The following RBFOX1 variants were observed in gnomAD, a reference collection of about 807,000 sequenced individuals.
RBFOX1 encodes the protein RNA binding protein fox-1 homolog 1.
In RBFOX1, 8 loss-of-function variants were observed where a neutral mutation model predicts 57.7. The ratio of observed to expected loss-of-function variants is 0.14; its 90% confidence interval spans 0.08 to 0.25. The LOEUF (loss-of-function observed/expected upper bound fraction) is 0.25. RBFOX1 is among the 10% of genes least tolerant of loss of function. RBFOX1 has a pLI of 1.00. For synonymous variants in RBFOX1, 326 were observed against 222.4 expected, an observed-to-expected ratio of 1.47 and a Z score of -4.15; for missense variants, 611 against 548.5, an observed-to-expected ratio of 1.11 and a Z score of -1.14.
chr16:7,406,410 G>T (rs974312956), intron 4 of RBFOX1, among the ~76,000 whole-genome samples: 4 of 152,280 alleles, frequency 2.6e-5, no homozygotes, highest in Admixed American at 2.6e-4. Flanking sequence ...TACTACGTAT[G>T]GGAGCCTTGT....
chr16:6,283,721 A>G (rs2076624565), intron 1 of RBFOX1, among the ~76,000 whole-genome samples: 1 of 152,194 alleles, frequency 6.6e-6, no homozygotes, highest in African/African-American at 2.4e-5. Flanking sequence ...AGGAATATGC[A>G]CATACCCGCA....
chr16:6,037,834 A>G (rs1316434169), intron 1 of RBFOX1: 1 of 152,190 alleles, frequency 6.6e-6, no homozygotes, highest in Non-Finnish European at 1.5e-5. Context: ...AACTCAGACA[A>G]TCTGCCCACC....
At chr16:5,614,448 T>C (rs994540426) in intron 3 of RBFOX1, among the ~76,000 whole-genome samples, 1 of 151,980 alleles carries the variant, frequency 6.6e-6, no homozygotes, top group Non-Finnish European at 1.5e-5. Flanking sequence ...GTCGTTCCAA[T>C]GTGTTCTAAT....
intron 3 of RBFOX1, among the ~76,000 whole-genome samples, chr16:5,852,490 C>T (rs192285723): frequency 6.8e-4 from 103 of 152,282 alleles, no homozygotes; most frequent in African/African-American, 2.3e-3. Flanking sequence ...TTTATACCAT[C>T]GTCTCAGCCA....
At chr16:5,424,242 T>C (rs1368319831) in intron 1 of RBFOX1, among the ~76,000 whole-genome samples, 1 of 152,214 alleles carries the variant, frequency 6.6e-6, no homozygotes, top group Non-Finnish European at 1.5e-5. Context: ...TGAATTGCAT[T>C]GAGAGACAGC....
At chr16:7,509,696 A>G (rs1035371990) in intron 4 of RBFOX1, among the ~76,000 whole-genome samples, 3 of 152,178 alleles carry the variant, frequency 2.0e-5, no homozygotes, top group East Asian at 3.9e-4. Context: ...TGCTCTCTTG[A>G]TGTACTCACA....
rs546643967 is a variant in RBFOX1 at position 6,096,266 on chromosome 16, G to T, written c.-127+76274G>T. On this transcript the variant is annotated intron_variant, in intron 1 of 15. Coordinates refer to ENST00000550418, the MANE Select transcript of RBFOX1 (RefSeq NM_018723.4). Reference sequence around the variant, plus strand: ...GAGAAAAGTTCTGTCCCAAAGAAAAGAGGAGAAAAGGAAAGGAAACGAAGA... The same window carrying T: ...GAGAAAAGTTCTGTCCCAAAGAAAATAGGAGAAAAGGAAAGGAAACGAAGA... Among the ~76,000 whole-genome samples, 12 of 152,298 alleles carry T rather than the reference G, an allele frequency of 7.9e-5. No individual in the cohort carries two copies. The East Asian group carries it at 2.3e-3, about 29-fold the overall frequency.
intron 2 of RBFOX1, among the ~76,000 whole-genome samples, chr16:6,637,526 T>C (rs1279971292): frequency 4.7e-5 from 2 of 43,000 alleles, no homozygotes; most frequent in Admixed American, 4.1e-4. Flanking sequence ...TATATAATAT[T>C]CTGTATAGTA....
intron 14 of RBFOX1, among the ~76,000 whole-genome samples, chr16:7,681,962 G>A (rs2074875810): frequency 6.6e-6 from 1 of 152,216 alleles, no homozygotes; most frequent in East Asian, 1.9e-4. Context: ...GTGCCGTATT[G>A]AAAGCAGTAT....
In RBFOX1 at chr16:7,284,105, C is replaced by A. The variant is rs2095602296; in HGVS notation, c.27+232007C>A. On this transcript the variant is annotated intron_variant, in intron 4 of 15. Transcript: ENST00000550418. ...GATTCATCCAGGTAGTTGCATCTAT[C>A]AACAGTTCCTTCTTCCCTTTTATTG... is the stretch of plus-strand genomic sequence containing the variant. 1.3e-5 allele frequency among the ~76,000 whole-genome samples: 2 copies of A among 152,218 alleles called. 1 individual carries two copies. The highest frequency in any genetic ancestry group is 4.1e-4 in the South Asian group (2 of 4,836).
At chr16:5,862,082 T>C (rs1181373778) in intron 3 of RBFOX1, among the ~76,000 whole-genome samples, 1 of 152,192 alleles carries the variant, frequency 6.6e-6, no homozygotes, top group Non-Finnish European at 1.5e-5. Flanking sequence ...TGTGTGTCAT[T>C]CATTTCATAC....
chr16:7,454,881 A>C (rs2058178353), intron 4 of RBFOX1, among the ~76,000 whole-genome samples: 1 of 152,204 alleles, frequency 6.6e-6, no homozygotes, highest in African/African-American at 2.4e-5. Context: ...AGTGTTAAAG[A>C]GTGATTATCA....
chr16:6,718,313 G>T (rs1406084264), intron 3 of RBFOX1, among the ~76,000 whole-genome samples: 1 of 152,160 alleles, frequency 6.6e-6, no homozygotes, highest in African/African-American at 2.4e-5. Context: ...ACGTGCCCTT[G>T]TCTTTAGTAA....
In RBFOX1 at chr16:7,007,019, G is replaced by C. The variant is rs371037994; in HGVS notation, c.-15-45038G>C. On this transcript the variant is annotated intron_variant, in intron 3 of 15. Transcript: ENST00000550418. ...AAATAACAAATACATATGATCTCACGGTTCTATAGGTGAGAAATCTAGTTG... is the reference window on the plus strand; with the variant it reads ...AAATAACAAATACATATGATCTCACCGTTCTATAGGTGAGAAATCTAGTTG... 1.3e-4 allele frequency among the ~76,000 whole-genome samples: 20 copies of C among 152,224 alleles called. No individual in the cohort carries two copies. The East Asian group carries it at 1.4e-3, about 10-fold the overall frequency.
At chr16:5,516,768 T>A (rs28527319) in intron 2 of RBFOX1, among the ~76,000 whole-genome samples, 90,364 of 151,936 alleles carry the variant, frequency 0.59, 29,125 homozygotes, top group African/African-American at 0.85. Flanking sequence ...ATAAGATCTG[T>A]TGGTTTTATA....
At chr16:7,708,899 A>G (rs1270083357) in intron 14 of RBFOX1, among the ~76,000 whole-genome samples, 157 bp from the exon 15 acceptor site, 3 of 152,202 alleles carry the variant, frequency 2.0e-5, no homozygotes, top group African/African-American at 7.2e-5. Context: ...TCATGTACAG[A>G]TGAACTCTTC....
chr16:6,125,284 T>C (rs967008798), intron 1 of RBFOX1, among the ~76,000 whole-genome samples: 38 of 152,150 alleles, frequency 2.5e-4, no homozygotes, highest in African/African-American at 6.8e-4. Context: ...AGTCACTAGA[T>C]GGAGGAGGAT....
chr16:6,748,824 G>A (rs1305135423), intron 3 of RBFOX1: 1 of 152,060 alleles, frequency 6.6e-6, no homozygotes, highest in Non-Finnish European at 1.5e-5. Flanking sequence ...AGATTTTATT[G>A]AATACCTTCT....
At chr16:5,833,977 A>G (rs1381841303) in intron 3 of RBFOX1, among the ~76,000 whole-genome samples, 1 of 152,184 alleles carries the variant, frequency 6.6e-6, no homozygotes, top group East Asian at 1.9e-4. Context: ...AACTTAATTG[A>G]CCTGAGCCCC....
Sources: gnomAD v4.1 joint callset for allele counts (sites outside exome capture counted in the v4.1 genomes callset) on GRCh38, gnomAD v4.1.1 for gene constraint, MANE v1.5 for transcripts, NCBI Gene and HGNC (gene_info 2026-07-23, HGNC 2026-07-21) for gene names.